The following LRRC7 variants were observed in gnomAD, a reference collection of about 807,000 sequenced individuals.
The protein encoded by LRRC7 is leucine-rich repeat-containing protein 7.
In LRRC7, 23 loss-of-function variants were observed where a neutral mutation model predicts 175.7. The observed-to-expected ratio is 0.13, with a 90% confidence interval of 0.09 to 0.19. The LOEUF (loss-of-function observed/expected upper bound fraction) is 0.19, where lower values mean the gene tolerates loss of function less well. Among genes scored for constraint, LRRC7 ranks in the 10% least tolerant of loss-of-function variants. LRRC7 has a pLI of 1.00. For synonymous variants in LRRC7, 685 were observed against 680.9 expected, an observed-to-expected ratio of 1.01 and a Z score of -0.09; for missense variants, 1,354 against 1,904.7, an observed-to-expected ratio of 0.71 and a Z score of 5.38.
At chr1:69,635,803 A>G (rs986748378) in intron 1 of LRRC7, among the ~76,000 whole-genome samples, 6 of 151,960 alleles carry the variant, frequency 3.9e-5, no homozygotes, top group African/African-American at 1.5e-4. Context: ...ATATATCAAA[A>G]TAAGATACAC....
intron 1 of LRRC7, among the ~76,000 whole-genome samples, chr1:69,651,305 G>A (rs987425977): frequency 6.6e-6 from 1 of 152,056 alleles, no homozygotes; most frequent in African/African-American, 2.4e-5. Context: ...AAAAAAAAGT[G>A]CACTACATTT....
chr1:69,930,053 T>C (rs1386912674), intron 7 of LRRC7, among the ~76,000 whole-genome samples: 3 of 137,702 alleles, frequency 2.2e-5, no homozygotes, highest in African/African-American at 7.3e-5. Context: ...TACTAAAAAT[T>C]AAATCCTTAT....
intron 1 of LRRC7, among the ~76,000 whole-genome samples, chr1:69,569,906 CAAAAAAAAAA>C (rs71071364): frequency 2.3e-5 from 2 of 87,104 alleles, no homozygotes; most frequent in Non-Finnish European, 4.3e-5. Flanking sequence ...AAAGGAATTA[CAAAAAAAAAA>C]AAAAAAAAAA....
chr1:69,880,659 A>G (rs963961853), intron 7 of LRRC7, among the ~76,000 whole-genome samples: 1 of 152,124 alleles, frequency 6.6e-6, no homozygotes, highest in Non-Finnish European at 1.5e-5. Flanking sequence ...GAAGGAGAGT[A>G]TTATTGATAA....
At chr1:69,663,608 C>T (rs1266973094) in intron 1 of LRRC7, among the ~76,000 whole-genome samples, 1 of 151,612 alleles carries the variant, frequency 6.6e-6, no homozygotes, top group Admixed American at 6.6e-5. Flanking sequence ...ACCCATTAGC[C>T]CTCCCTACCT....
chr1:69,606,956 A>G (rs1647687726), intron 1 of LRRC7: 1 of 152,132 alleles, frequency 6.6e-6, no homozygotes, highest in South Asian at 2.1e-4. Context: ...CTGTGCACCT[A>G]CACTTAGGTT....
chr1:70,053,787 AT>A (rs56750727), intron 23 of LRRC7, among the ~76,000 whole-genome samples: 3,819 of 152,244 alleles, frequency 0.025, 183 homozygotes, highest in African/African-American at 0.088. Flanking sequence ...TCTAAAATAT[AT>A]TTTTTAAAGC....
At chr1:69,712,562 G>T in intron 2 of LRRC7, among the ~76,000 whole-genome samples, 1 of 152,084 alleles carries the variant, frequency 6.6e-6, no homozygotes, top group South Asian at 2.1e-4. Context: ...CCAAGATTGC[G>T]CCATTGCACT....
Position 70,076,178 on chromosome 1 carries a change from G to A in LRRC7, c.4332G>A (p.Gln1444=). 3 of 1,614,104 alleles carry A rather than the reference G, an allele frequency of 1.9e-6. No homozygotes were observed. The highest frequency in any genetic ancestry group is 2.5e-6 in the Non-Finnish European group (3 of 1,179,986). The change falls in exon 24 of 27, where the codon CAG becomes CAA. Residue 1444 remains glutamine (Q), a synonymous_variant. Coordinates refer to ENST00000651989, the MANE Select transcript of LRRC7 (RefSeq NM_001370785.2). ...GAAATATAAACAAAGTGACCATCCA[G>A]CAATTTCAGTCACCATTGCCTATTC... The part of the protein sequence containing the change: ...YEGNINKVTI[Q]QFQSPLPIQI...
At chr1:70,085,390 T>C (rs1011287384) in intron 24 of LRRC7, among the ~76,000 whole-genome samples, 2 of 152,196 alleles carry the variant, frequency 1.3e-5, no homozygotes, top group African/African-American at 2.4e-5. Context: ...AAGACTCTTC[T>C]TTCTCCCAGT....
intron 11 of LRRC7, among the ~76,000 whole-genome samples, chr1:70,005,649 A>G (rs1480772326): frequency 6.6e-6 from 1 of 152,184 alleles, no homozygotes; most frequent in Non-Finnish European, 1.5e-5. Context: ...TAATATTTAT[A>G]TGTAGTTTAG....
intron 5 of LRRC7, among the ~76,000 whole-genome samples, chr1:69,833,528 A>G (rs1022630435): frequency 6.6e-6 from 1 of 152,138 alleles, no homozygotes; most frequent in East Asian, 1.9e-4. Context: ...ACATACATAC[A>G]TACAAATGCA....
chr1:69,838,067 C>A (rs1169464971), intron 6 of LRRC7, among the ~76,000 whole-genome samples, 160 bp from the exon 7 acceptor site: 1 of 151,470 alleles, frequency 6.6e-6, no homozygotes, highest in Non-Finnish European at 1.5e-5. Flanking sequence ...TTTATCATTT[C>A]TTTGTGTTAG....
At chr1:70,079,454 C>T (rs1275884895) in intron 24 of LRRC7, among the ~76,000 whole-genome samples, 2 of 152,206 alleles carry the variant, frequency 1.3e-5, no homozygotes, top group South Asian at 2.1e-4. Flanking sequence ...ACACAGTAAA[C>T]GTGGTACAAA....
chr1:69,796,737 T>G (rs746064026), intron 4 of LRRC7, among the ~76,000 whole-genome samples: 2 of 151,798 alleles, frequency 1.3e-5, no homozygotes, highest in African/African-American at 4.8e-5. Flanking sequence ...GAGGTTGCGG[T>G]GAGCCGAGAT....
chr1:69,852,830 T>C (rs1428401298), intron 7 of LRRC7, among the ~76,000 whole-genome samples: 1 of 152,272 alleles, frequency 6.6e-6, no homozygotes, highest in East Asian at 1.9e-4. Flanking sequence ...TTATGTAAAA[T>C]GAAAATGTGT....
intron 2 of LRRC7, among the ~76,000 whole-genome samples, chr1:69,704,254 A>G (rs1016486800): frequency 1.3e-5 from 2 of 151,906 alleles, no homozygotes. Flanking sequence ...TTTTTGAAGG[A>G]GATAAAGGGA....
chr1:70,064,109 G>T (rs1047198536), intron 23 of LRRC7, among the ~76,000 whole-genome samples: 1 of 151,948 alleles, frequency 6.6e-6, no homozygotes, highest in African/African-American at 2.4e-5. Context: ...TGTGCCACCA[G>T]AATGAAATGT....
intron 6 of LRRC7, among the ~76,000 whole-genome samples, chr1:69,836,008 T>C (rs1466249184): frequency 6.6e-6 from 1 of 152,010 alleles, no homozygotes; most frequent in Non-Finnish European, 1.5e-5. Context: ...GCAAAAGATA[T>C]ATCTCAATAA....
Sources: gnomAD v4.1 joint callset for allele counts (sites outside exome capture counted in the v4.1 genomes callset) on GRCh38, gnomAD v4.1.1 for gene constraint, MANE v1.5 for transcripts, NCBI Gene and HGNC (gene_info 2026-07-23, HGNC 2026-07-21) for gene names.